TMEM45B: variants seen among roughly 807,000 people sequenced by gnomAD.
The protein encoded by TMEM45B is transmembrane protein 45B.
In TMEM45B, 29 loss-of-function variants were observed where a neutral mutation model predicts 27.3. The ratio of observed to expected loss-of-function variants is 1.06; its 90% CI spans 0.79 to 1.45. The LOEUF (loss-of-function observed/expected upper bound fraction) is 1.45. Ranked by LOEUF, TMEM45B falls within the 40% of genes most tolerant of loss-of-function variation. The probability of loss-of-function intolerance (pLI) is 0.00; values close to 1 mark genes in which losing one functional copy is unlikely to be tolerated. For missense variants in TMEM45B, 348 were observed against 343.9 expected (o/e 1.01, Z -0.09); for synonymous variants, 143 against 134.7 (o/e 1.06, Z -0.43).
intron 1 of TMEM45B, among the ~76,000 whole-genome samples, chr11:129,817,202 A>G (rs1947363468): frequency 6.6e-6 from 1 of 152,204 alleles, no homozygotes; most frequent in African/African-American, 2.4e-5. Context: ...TTTAATAGAA[A>G]GGATGGCTTA....
intron 1 of TMEM45B, among the ~76,000 whole-genome samples, chr11:129,841,046 T>C (rs891147093): frequency 1.3e-5 from 2 of 148,600 alleles, no homozygotes; most frequent in African/African-American, 5.0e-5. Flanking sequence ...GAACTGGAAA[T>C]TGACAAAATG....
chr11:129,819,786 C>T (rs2135548900), intron 1 of TMEM45B, among the ~76,000 whole-genome samples: 1 of 151,648 alleles, frequency 6.6e-6, no homozygotes. Flanking sequence ...GAACTCCTGA[C>T]CCTGTGATCT....
intron 1 of TMEM45B, among the ~76,000 whole-genome samples, chr11:129,847,069 C>T (rs571008247): frequency 6.6e-6 from 1 of 152,296 alleles, no homozygotes; most frequent in Non-Finnish European, 1.5e-5. Context: ...TATAATGCAA[C>T]TGCTATGAAA....
At position 129,837,585 on chromosome 11, in the gene TMEM45B, C is replaced by CTTTTTTTTT. The variant is rs200040338; in HGVS notation, c.-8-14883_-8-14875dup. 3.5e-4 allele frequency among the ~76,000 whole-genome samples: 28 copies of CTTTTTTTTT among 80,268 alleles called. 4 individuals are homozygous for CTTTTTTTTT. Among genetic ancestry groups the CTTTTTTTTT allele is most frequent in the East Asian group, 1.8e-3 (4 of 2,184 alleles). 52.7% of individuals were successfully genotyped at this position (80,268 alleles called of 152,430 possible). On this transcript the variant is annotated intron_variant, in intron 1 of 5. Coordinates refer to ENST00000281441, the MANE Select transcript of TMEM45B (RefSeq NM_138788.5). Reference sequence around the variant, plus strand: ...TACAGGCATGAGCCACTGCACTGGGCTTTTTTTTTTTTTTTGAGACAGGGT... The same window carrying CTTTTTTTTT: ...TACAGGCATGAGCCACTGCACTGGGCTTTTTTTTTTTTTTTTTTTTTTTTGAGACAGGGT...
intron 1 of TMEM45B, among the ~76,000 whole-genome samples, chr11:129,816,732 CT>C (rs869217352): frequency 1.8e-3 from 146 of 79,750 alleles, no homozygotes; most frequent in African/African-American, 6.0e-3. Flanking sequence ...ATGGCCACTT[CT>C]TTTTTTTTTT....
chr11:129,838,398 T>C (rs540424876), intron 1 of TMEM45B, among the ~76,000 whole-genome samples: 35 of 152,296 alleles, frequency 2.3e-4, no homozygotes, highest in African/African-American at 8.4e-4. Flanking sequence ...GGCTTAACCT[T>C]GTACTATGAC....
At chr11:129,851,658 C>T (rs1947848685) in intron 1 of TMEM45B, among the ~76,000 whole-genome samples, 1 of 151,914 alleles carries the variant, frequency 6.6e-6, no homozygotes, top group Admixed American at 6.6e-5. Flanking sequence ...TTTCTCCCAC[C>T]CTACATATTC....
chr11:129,833,020 T>G (rs1170760810), intron 1 of TMEM45B, among the ~76,000 whole-genome samples: 1 of 151,996 alleles, frequency 6.6e-6, no homozygotes, highest in African/African-American at 2.4e-5. Flanking sequence ...GGCAGGCGGA[T>G]CACCTGAGGT....
At position 129,859,793 on chromosome 11, in the gene TMEM45B, T is replaced by C. The variant is rs1237440302; in HGVS notation, c.*1108T>C. 1.3e-5 allele frequency: 2 copies of C among 152,256 alleles called. No individual in the cohort carries two copies. The highest frequency in any genetic ancestry group is 4.8e-5 in the African/African-American group (2 of 41,446). The allele number at this position is 152,256 out of a possible 1,614,324, so 9.4% of individuals were successfully genotyped here. On this transcript the variant is annotated 3_prime_UTR_variant, in exon 6 of 6. Coordinates refer to ENST00000281441, the MANE Select transcript of TMEM45B (RefSeq NM_138788.5). ...CAGATCATGCCACTGTACTCCAGCC[T>C]AGGTGACAGAGCAAGACTCTGTCTC... is the stretch of plus-strand genomic sequence containing the variant.
rs886878520 is a variant in TMEM45B at position 129,857,587 on chromosome 11, T to C, written c.716+129T>C. ...GCAAGGTACTCTCATGCAGGGAAGG[T>C]ATCACTACCCTTATTTGCAAACAAG... On this transcript the variant is annotated intron_variant, in intron 5 of 5. Transcript: ENST00000281441. 3.9e-6 allele frequency: 4 copies of C among 1,014,312 alleles called. No homozygotes were observed. The African/African-American group carries it at 4.8e-5, about 12-fold the overall frequency. The allele number at this position is 1,014,312 out of a possible 1,614,324, so 62.8% of individuals were successfully genotyped here.
At chr11:129,856,379 T>C (rs1947925193) in intron 4 of TMEM45B, among the ~76,000 whole-genome samples, 1 of 141,906 alleles carries the variant, frequency 7.0e-6, no homozygotes, top group Non-Finnish European at 1.6e-5. Context: ...ACCTGGCTAA[T>C]TTTTTTGTAT....
intron 1 of TMEM45B, among the ~76,000 whole-genome samples, chr11:129,829,902 GAT>G (rs1187435989): frequency 6.6e-6 from 1 of 152,216 alleles, no homozygotes; most frequent in Non-Finnish European, 1.5e-5. Flanking sequence ...AGAGTAGAAA[GAT>G]AGACAAGATG....
intron 1 of TMEM45B, among the ~76,000 whole-genome samples, chr11:129,847,938 G>C (rs1475242559): frequency 3.3e-5 from 5 of 152,056 alleles, no homozygotes; most frequent in Admixed American, 6.6e-5. Context: ...CGGGCAGAGG[G>C]GCTCCTCACT....
intron 1 of TMEM45B, among the ~76,000 whole-genome samples, chr11:129,851,542 T>C (rs1158932960): frequency 9.1e-5 from 2 of 21,938 alleles, no homozygotes; most frequent in African/African-American, 5.2e-4. Flanking sequence ...AAACTCTGCC[T>C]CAAAAAAAAA....
In TMEM45B at chr11:129,858,267, G is replaced by C. The variant is rs75925889; in HGVS notation, c.717-307G>C. Among the ~76,000 whole-genome samples, 989 of 152,290 alleles carry C rather than the reference G, an allele frequency of 6.5e-3. 9 individuals carry two copies. Among genetic ancestry groups the C allele is most frequent in the African/African-American group, 0.023 (944 of 41,564 alleles). Reference sequence around the variant, plus strand: ...TTTTTGCCATTATTTCATCCAGAAAGAGTTCCACACGGACCAAAGAGAAGG... The same window carrying C: ...TTTTTGCCATTATTTCATCCAGAAACAGTTCCACACGGACCAAAGAGAAGG... On this transcript the variant is annotated intron_variant, in intron 5 of 5. Coordinates refer to ENST00000281441, the MANE Select transcript of TMEM45B (RefSeq NM_138788.5).
intron 1 of TMEM45B, chr11:129,850,460 T>G (rs1024222481): frequency 3.9e-5 from 6 of 152,240 alleles, no homozygotes; most frequent in African/African-American, 1.4e-4. Context: ...CCACCGCACC[T>G]GGCCTCTCAT....
intron 1 of TMEM45B, among the ~76,000 whole-genome samples, chr11:129,824,256 A>G (rs1229832781): frequency 2.6e-5 from 4 of 152,180 alleles, no homozygotes; most frequent in Non-Finnish European, 5.9e-5. Flanking sequence ...AGCACTAACA[A>G]TAGAGTCTAA....
intron 1 of TMEM45B, among the ~76,000 whole-genome samples, chr11:129,833,014 G>T (rs998761211): frequency 3.9e-5 from 6 of 152,106 alleles, no homozygotes; most frequent in Admixed American, 1.3e-4. Flanking sequence ...GGCCGAGGCA[G>T]GCGGATCACC....
At position 129,858,615 on chromosome 11, in the gene TMEM45B, T is replaced by A; in HGVS notation, c.758T>A (p.Ile253Asn). 6.3e-7 allele frequency: 1 copy of A among 1,588,364 alleles called. No individual in the cohort carries two copies. Among genetic ancestry groups the A allele is most frequent in the Non-Finnish European group, 8.6e-7 (1 of 1,166,376 alleles). The change falls in exon 6 of 6, where the codon ATT becomes AAT. Residue 253 changes from isoleucine to asparagine, a missense_variant. By Grantham distance (149) the Ile-to-Asn change is moderately radical (BLOSUM62 -3). Coordinates refer to ENST00000281441, the MANE Select transcript of TMEM45B (RefSeq NM_138788.5). ...AAGAGACACGGAAGGGGAGAAATCA[T>A]TGGAATTCAGAAGCTGAATTCAGAT... ...RMKRHGRGEI[I>N]GIQKLNSDDT... is the part of the protein sequence containing the mutation.
Sources: gnomAD v4.1 joint callset for allele counts (sites outside exome capture counted in the v4.1 genomes callset) on GRCh38, gnomAD v4.1.1 for gene constraint, MANE v1.5 for transcripts, NCBI Gene and HGNC (gene_info 2026-07-23, HGNC 2026-07-21) for gene names.